Variants in HERC5 observed in about 807,000 individuals in gnomAD.
HERC5 encodes HECT and RLD domain containing E3 ubiquitin protein ligase 5, also known as E3 ISG15--protein ligase HERC5.
Under a neutral mutation model 119.6 loss-of-function variants are expected in HERC5, and 99 were observed. That is an observed-to-expected ratio of 0.83 (90% CI 0.70 to 0.98). The LOEUF is 0.98. Among genes scored for constraint, HERC5 ranks in the 50% least tolerant of loss-of-function variants. The pLI is 0.00. For missense variants in HERC5, 1,267 were observed against 1,241.3 expected (o/e 1.02, Z -0.31); for synonymous variants, 478 against 445.9 (o/e 1.07, Z -0.91).
intron 22 of HERC5, among the ~76,000 whole-genome samples, chr4:88,505,108 C>T (rs1742066985): frequency 6.6e-6 from 1 of 152,124 alleles, no homozygotes; most frequent in South Asian, 2.1e-4. Flanking sequence ...AGAAGCCCAA[C>T]CTACCTTTCC....
Position 88,457,233 on chromosome 4 carries a change from C to T in HERC5, c.-37C>T, listed in dbSNP as rs1302879549. 6 of 1,299,530 alleles carry T rather than the reference C, an allele frequency of 4.6e-6. No individual in the cohort carries two copies. In the African/African-American group the frequency reaches 6.2e-5, roughly 13 times the overall value. 80.5% of individuals were successfully genotyped at this position (1,299,530 alleles called of 1,614,324 possible). ...TCAGTCCCGGGACCAGGCGTTCTCTCCTCTCGCCTCTGGGCCTGGGACCCC... is the reference window on the plus strand; with the variant it reads ...TCAGTCCCGGGACCAGGCGTTCTCTTCTCTCGCCTCTGGGCCTGGGACCCC... On this transcript the variant is annotated 5_prime_UTR_variant, in exon 1 of 23. Transcript: ENST00000264350.
At chr4:88,479,587 G>A in intron 13 of HERC5, 80 bp downstream of exon 13, 21 of 1,194,174 alleles carry the variant, frequency 1.8e-5, no homozygotes, top group Non-Finnish European at 2.4e-5. Context: ...GAATCTTTAA[G>A]TAGACTCGTG....
intron 20 of HERC5, among the ~76,000 whole-genome samples, chr4:88,501,648 A>G (rs1054265589): frequency 2.0e-5 from 3 of 152,176 alleles, no homozygotes; most frequent in African/African-American, 7.2e-5. Context: ...TATAACCTAT[A>G]TAACAGAATT....
intron 1 of HERC5, 104 bp from the exon 2 acceptor site, chr4:88,459,243 A>T (rs1359224526): frequency 3.2e-6 from 3 of 939,828 alleles, no homozygotes; most frequent in Non-Finnish European, 4.5e-6. Context: ...AAGCTTGTCT[A>T]GTTGAAATTT....
chr4:88,479,545 G>A, intron 13 of HERC5, 38 bp downstream of exon 13: 2 of 1,492,262 alleles, frequency 1.3e-6, no homozygotes, highest in Non-Finnish European at 1.8e-6. Flanking sequence ...TTTTTATCTA[G>A]CTGTAAAAAT....
At chr4:88,502,695 T>C (rs967441546) in intron 20 of HERC5, among the ~76,000 whole-genome samples, 5 of 152,352 alleles carry the variant, frequency 3.3e-5, no homozygotes, top group South Asian at 2.1e-4. Flanking sequence ...ATAGTATTAC[T>C]AGTCTTTTTT....
chr4:88,458,869 T>C (rs536421061), intron 1 of HERC5, among the ~76,000 whole-genome samples: 1 of 152,332 alleles, frequency 6.6e-6, no homozygotes, highest in Admixed American at 6.5e-5. Context: ...AATCCTTCCT[T>C]TTAAGAATAT....
chr4:88,463,037 C>T (rs1740506898), intron 4 of HERC5, among the ~76,000 whole-genome samples: 1 of 152,056 alleles, frequency 6.6e-6, no homozygotes, highest in Admixed American at 6.6e-5. Context: ...CAGAATAGCC[C>T]ATAAGTCAGT....
intron 17 of HERC5, among the ~76,000 whole-genome samples, chr4:88,493,595 T>G (rs1741711409): frequency 1.3e-5 from 2 of 151,910 alleles, no homozygotes; most frequent in Non-Finnish European, 2.9e-5. Context: ...GTTTTTTATT[T>G]GTTTGTTTGT....
chr4:88,493,996 T>TA (rs1396767693), intron 17 of HERC5, among the ~76,000 whole-genome samples, 169 bp from the exon 18 acceptor site: 5 of 144,266 alleles, frequency 3.5e-5, no homozygotes, highest in Middle Eastern at 3.3e-3. Flanking sequence ...AACCTGCAAT[T>TA]ACTTTTGCAC....
chr4:88,484,259 C>G (rs1486214477), intron 13 of HERC5, among the ~76,000 whole-genome samples: 1 of 152,070 alleles, frequency 6.6e-6, no homozygotes, highest in African/African-American at 2.4e-5. Flanking sequence ...TGCCTTATAA[C>G]TCAGGTATCT....
Position 88,463,414 on chromosome 4 carries a change from C to G in HERC5, c.689-118C>G, listed in dbSNP as rs895478768. On this transcript the variant is annotated intron_variant, in intron 4 of 22. Transcript: ENST00000264350. Reference sequence around the variant, plus strand: ...CTAAACATGGCAACATAGAGCCTTTCTTGTCAGAATATCATGAGAACTGTT... The same window carrying G: ...CTAAACATGGCAACATAGAGCCTTTGTTGTCAGAATATCATGAGAACTGTT... 2.1e-5 allele frequency: 14 copies of G among 663,922 alleles called. No homozygotes were observed. The Admixed American group carries it at 3.7e-4, about 17-fold the overall frequency. 41.1% of individuals were successfully genotyped at this position (663,922 alleles called of 1,614,324 possible).
In HERC5 at chr4:88,483,922, A is replaced by G. The variant is rs190980523; in HGVS notation, c.1738-2193A>G. ...ACATTTTAAATCTAAATGAATATTGACTCTCTTTTTTGAAATTCCAGTTAT... is the reference window on the plus strand; with the variant it reads ...ACATTTTAAATCTAAATGAATATTGGCTCTCTTTTTTGAAATTCCAGTTAT... On this transcript the variant is annotated intron_variant, in intron 13 of 22. Transcript: ENST00000264350. Among the ~76,000 whole-genome samples the G allele has an allele frequency of 2.0e-3, 310 of 151,564 alleles. 3 individuals are homozygous for G. The highest frequency in any genetic ancestry group is 7.3e-3 in the African/African-American group (300 of 41,274).
At chr4:88,494,656 C>A (rs1741748305) in intron 18 of HERC5, among the ~76,000 whole-genome samples, 1 of 152,164 alleles carries the variant, frequency 6.6e-6, no homozygotes, top group East Asian at 1.9e-4. Flanking sequence ...ATGTCATCAC[C>A]TTTAAAATGG....
chr4:88,494,860 T>C (rs1452115431), intron 18 of HERC5, among the ~76,000 whole-genome samples: 1 of 152,242 alleles, frequency 6.6e-6, no homozygotes, highest in Non-Finnish European at 1.5e-5. Context: ...ATCTCACCAG[T>C]GCTCATAGAA....
chr4:88,497,012 G>A (rs766935541), intron 18 of HERC5, among the ~76,000 whole-genome samples: 12 of 152,116 alleles, frequency 7.9e-5, no homozygotes, highest in Non-Finnish European at 1.0e-4. Flanking sequence ...GGAATGGGTC[G>A]TCACCTATTC....
chr4:88,468,085 C>A (rs905264894), intron 7 of HERC5: 25 of 235,116 alleles, frequency 1.1e-4, no homozygotes, highest in African/African-American at 4.1e-4. Context: ...CAAATATTTG[C>A]ATTTTATATA....
Position 88,489,238 on chromosome 4 carries a change from C to T in HERC5, c.2035C>T (p.Pro679Ser), listed in dbSNP as rs1002046659. Residue 679 changes from proline to serine, a missense_variant, in exon 16 of 23, where the codon CCC becomes TCC. By Grantham distance (74) the Pro-to-Ser change is moderately conservative. This residue lies in a region of HERC5 where 473 missense variants were observed against 445.7 expected (regional missense o/e 1.06). Coordinates refer to ENST00000264350, the MANE Select transcript of HERC5 (RefSeq NM_016323.4). ...EERESEFALRPTFDLTVRRNH... is the reference protein window; with the variant it reads ...EERESEFALRSTFDLTVRRNH... Reference sequence around the variant, plus strand: ...AAGAGAGTCTGAATTCGCTTTGAGGCCCACGTTTGATCTAACAGTCAGAAG... The same window carrying T: ...AAGAGAGTCTGAATTCGCTTTGAGGTCCACGTTTGATCTAACAGTCAGAAG... 6.2e-7 allele frequency: 1 copy of T among 1,613,694 alleles called. No homozygotes were observed. The highest frequency in any genetic ancestry group is 8.5e-7 in the Non-Finnish European group (1 of 1,179,732).
At chr4:88,489,072 A>C in intron 15 of HERC5, 94 bp from the exon 16 acceptor site, 1 of 966,076 alleles carries the variant, frequency 1.0e-6, no homozygotes. Flanking sequence ...ACCTGCACTT[A>C]TAAGCAGAAC....
Sources: allele counts gnomAD v4.1 joint callset (sites outside exome capture counted in the v4.1 genomes callset), GRCh38; gene constraint gnomAD v4.1.1; regional missense constraint gnomAD v4.1.1; transcripts MANE v1.5; gene names NCBI Gene and HGNC (gene_info 2026-07-23, HGNC 2026-07-21).